The following MAP4K5 variants were observed in gnomAD, a reference collection of about 807,000 sequenced individuals.
MAP4K5 encodes MAPK/ERK kinase kinase kinase 5.
MAP4K5 carries 82 observed loss-of-function variants against 135.6 expected under a neutral mutation model. The observed-to-expected ratio is 0.60, with a 90% CI of 0.51 to 0.73. The LOEUF (loss-of-function observed/expected upper bound fraction) is 0.73. Among genes scored for constraint, MAP4K5 ranks in the 30% least tolerant of loss-of-function variants. The pLI, the probability that MAP4K5 is intolerant of heterozygous loss-of-function variation, is 0.00. For synonymous variants in MAP4K5, 347 were observed against 335.0 expected, an observed-to-expected ratio of 1.04 and a Z score of -0.39; for missense variants, 907 against 1,010.9, an observed-to-expected ratio of 0.90 and a Z score of 1.39.
chr14:50,446,575 G>C lies in MAP4K5; in HGVS notation c.1143-454C>G, dbSNP rs1197625007. ...TTTAATAAGCTCTCCAGGTCAATAAGTTTGAGAAGCACTTATCTAGTCCAC... is the reference window on the plus strand; with the variant it reads ...TTTAATAAGCTCTCCAGGTCAATAACTTTGAGAAGCACTTATCTAGTCCAC... On this transcript the variant is annotated intron_variant, in intron 16 of 32. Coordinates refer to ENST00000682126, the MANE Select transcript of MAP4K5 (RefSeq NM_006575.6). 2.0e-5 allele frequency among the ~76,000 whole-genome samples: 3 copies of C among 152,140 alleles called. No individual in the cohort carries two copies. In the East Asian group the frequency reaches 5.8e-4, roughly 29 times the overall value.
In MAP4K5 at chr14:50,468,785, A is replaced by G; in HGVS notation, c.543-3T>C. On this transcript the variant is annotated splice_polypyrimidine_tract_variant and splice_region_variant and intron_variant, in intron 9 of 32. Coordinates refer to ENST00000682126, the MANE Select transcript of MAP4K5 (RefSeq NM_006575.6). ...CTGCTGCAACTTCTGGGGCCATCCT[A>G]GAAGGAATCAATGAATACAACATTT... The G allele has an allele frequency of 6.2e-7, 1 of 1,605,028 alleles. No homozygotes were observed. The highest frequency in any genetic ancestry group is 8.5e-7 in the Non-Finnish European group (1 of 1,175,080).
chr14:50,507,980 T>C (rs2037848709), intron 2 of MAP4K5, among the ~76,000 whole-genome samples: 2 of 152,128 alleles, frequency 1.3e-5, no homozygotes, highest in African/African-American at 4.8e-5. Flanking sequence ...TGTGCGGGAG[T>C]TGAAGTCTCT....
intron 23 of MAP4K5, 89 bp from the exon 24 acceptor site, chr14:50,438,183 A>G: frequency 1.6e-6 from 1 of 621,510 alleles, no homozygotes; most frequent in African/African-American, 1.9e-5. Flanking sequence ...ATTTTGAAAG[A>G]CAATAGATAA....
At chr14:50,540,841 A>G (rs1303601726) in intron 2 of MAP4K5, among the ~76,000 whole-genome samples, 1 of 152,246 alleles carries the variant, frequency 6.6e-6, no homozygotes, top group East Asian at 1.9e-4. Flanking sequence ...AAAGTAGAAT[A>G]CCAAGATTAA....
chr14:50,518,220 C>T (rs2038074182), intron 2 of MAP4K5, among the ~76,000 whole-genome samples: 1 of 152,156 alleles, frequency 6.6e-6, no homozygotes, highest in Non-Finnish European at 1.5e-5. Flanking sequence ...GTTATATGCA[C>T]TATGTGCCAG....
At chr14:50,429,676 T>C (rs1381343713) in intron 28 of MAP4K5, among the ~76,000 whole-genome samples, 2 of 152,160 alleles carry the variant, frequency 1.3e-5, no homozygotes, top group African/African-American at 2.4e-5. Context: ...AATTAAAAAT[T>C]AGCCAGTGAT....
chr14:50,510,105 T>A (rs2037899953), intron 2 of MAP4K5, among the ~76,000 whole-genome samples: 1 of 152,206 alleles, frequency 6.6e-6, no homozygotes, highest in Non-Finnish European at 1.5e-5. Context: ...AACAGGCATT[T>A]GGGCAATGCA....
chr14:50,473,379 GA>G (rs1288940652), intron 9 of MAP4K5, among the ~76,000 whole-genome samples: 1 of 149,832 alleles, frequency 6.7e-6, no homozygotes, highest in East Asian at 1.9e-4. Context: ...GTTGGTATTA[GA>G]AAAAAAAAGA....
At chr14:50,442,684 C>A in intron 21 of MAP4K5, 48 bp downstream of exon 21, 1 of 1,220,864 alleles carries the variant, frequency 8.2e-7, no homozygotes, top group South Asian at 1.3e-5. Flanking sequence ...AGATCTTTCC[C>A]ATAATAAATA....
intron 10 of MAP4K5, among the ~76,000 whole-genome samples, chr14:50,466,996 ACT>A (rs1313196709): frequency 6.6e-6 from 1 of 152,186 alleles, no homozygotes; most frequent in Non-Finnish European, 1.5e-5. Flanking sequence ...ATGACATGTT[ACT>A]CTAACATTAG....
intron 31 of MAP4K5, among the ~76,000 whole-genome samples, chr14:50,425,421 C>T (rs1388289101): frequency 6.6e-6 from 1 of 152,102 alleles, no homozygotes; most frequent in African/African-American, 2.4e-5. Flanking sequence ...GTGCCTGGAA[C>T]ACAGTAGGTA....
intron 29 of MAP4K5, among the ~76,000 whole-genome samples, 155 bp from the exon 30 acceptor site, chr14:50,428,909 G>T (rs1187717251): frequency 1.3e-5 from 2 of 152,166 alleles, no homozygotes. Flanking sequence ...AAAAAATACT[G>T]TAAGAGTGCC....
intron 30 of MAP4K5, among the ~76,000 whole-genome samples, chr14:50,427,107 G>C (rs1016549264): frequency 6.6e-6 from 1 of 151,950 alleles, no homozygotes; most frequent in Non-Finnish European, 1.5e-5. Context: ...TTTTCCCCAG[G>C]AGGATTCCTG....
intron 6 of MAP4K5, among the ~76,000 whole-genome samples, chr14:50,479,375 GT>G (rs1480352853): frequency 1.3e-5 from 2 of 151,778 alleles, no homozygotes; most frequent in African/African-American, 2.4e-5. Context: ...TCAAATATAC[GT>G]TTTTTGCAAT....
At chr14:50,435,257 A>C (rs73286528) in intron 26 of MAP4K5, among the ~76,000 whole-genome samples, 192 bp from the exon 27 acceptor site, 1,695 of 152,302 alleles carry the variant, frequency 0.011, 33 homozygotes, top group African/African-American at 0.038. Context: ...CTTCTAAACA[A>C]CTTGCATATA....
intron 1 of MAP4K5, among the ~76,000 whole-genome samples, chr14:50,549,509 T>C (rs1319331610): frequency 1.3e-5 from 2 of 152,136 alleles, no homozygotes; most frequent in Non-Finnish European, 2.9e-5. Context: ...GGGAAAGGCA[T>C]ACCTTAACCT....
chr14:50,444,169 G>C, intron 18 of MAP4K5, 133 bp from the exon 19 acceptor site: 1 of 664,820 alleles, frequency 1.5e-6, no homozygotes, highest in Non-Finnish European at 2.7e-6. Context: ...CTACTCTCAG[G>C]TAAGTTATCT....
At chr14:50,528,307 G>A (rs979969442) in intron 2 of MAP4K5, among the ~76,000 whole-genome samples, 3 of 151,528 alleles carry the variant, frequency 2.0e-5, no homozygotes, top group Non-Finnish European at 4.4e-5. Flanking sequence ...AAGCTTCAGA[G>A]GGGATCTGTG....
chr14:50,441,978 T>C (rs192336238), intron 21 of MAP4K5, among the ~76,000 whole-genome samples: 63 of 152,066 alleles, frequency 4.1e-4, no homozygotes, highest in Non-Finnish European at 7.1e-4. Context: ...AAAGTAAATA[T>C]CGGGAGTGAT....
Sources: gnomAD v4.1 joint callset for allele counts (sites outside exome capture counted in the v4.1 genomes callset) on GRCh38, gnomAD v4.1.1 for gene constraint, MANE v1.5 for transcripts, NCBI Gene and HGNC (gene_info 2026-07-23, HGNC 2026-07-21) for gene names.